The following UBXN11 variants were observed in gnomAD, a reference collection of about 807,000 sequenced individuals.
The protein encoded by UBXN11 is UBX domain-containing protein 11.
Under a neutral mutation model 62.8 loss-of-function variants are expected in UBXN11, and 47 were observed. The ratio of observed to expected loss-of-function variants is 0.75; its 90% CI spans 0.59 to 0.95. The LOEUF (loss-of-function observed/expected upper bound fraction) is 0.95, where lower values mean the gene tolerates loss of function less well. Ranked by LOEUF, UBXN11 falls within the 40% of genes least tolerant of loss-of-function variation. The pLI is 0.00. For synonymous variants in UBXN11, 294 were observed against 267.0 expected, an observed-to-expected ratio of 1.10 and a Z score of -0.99; for missense variants, 638 against 661.7, an observed-to-expected ratio of 0.96 and a Z score of 0.39.
At chr1:26,300,725 TG>T (rs2073511045) in intron 4 of UBXN11, among the ~76,000 whole-genome samples, 200 bp downstream of exon 4, 1 of 152,182 alleles carries the variant, frequency 6.6e-6, no homozygotes. Flanking sequence ...GGGCTGGGGC[TG>T]GGCCTCGGCC....
chr1:26,300,932 G>T lies in UBXN11; in HGVS notation c.193C>A (p.Arg65=). 1 of 1,614,174 alleles carries T rather than the reference G, an allele frequency of 6.2e-7. No homozygotes were observed. Among genetic ancestry groups the T allele is most frequent in the Non-Finnish European group, 8.5e-7 (1 of 1,180,016 alleles). ...TTCAGGCCTCTGCTCTCACCTTGCC[G>T]ACTCACAGGGGCACCTATGCCGCCA... The part of the protein sequence containing the change: ...CYGGIGAPVS[R]QVPASHDSEL... Residue 65 remains arginine, a synonymous_variant, in exon 4 of 15, where the codon CGG becomes AGG. Coordinates refer to ENST00000374222, the MANE Select transcript of UBXN11 (RefSeq NM_001389556.1).
chr1:26,284,760 G>C (rs528259370), intron 10 of UBXN11: 391 of 1,231,000 alleles, frequency 3.2e-4, no homozygotes, highest in Non-Finnish European at 3.9e-4. Context: ...CGTGAAGGCA[G>C]AGTGTGAGGG....
At chr1:26,296,837 T>G (rs1186606183) in intron 7 of UBXN11, 82 bp downstream of exon 7, 18 of 1,441,302 alleles carry the variant, frequency 1.2e-5, no homozygotes, top group Non-Finnish European at 1.7e-5. Flanking sequence ...AGAGGTGGGC[T>G]CGGACCCAGC....
In UBXN11 at chr1:26,282,290, G is replaced by T; in HGVS notation, c.*9C>A. On this transcript the variant is annotated 3_prime_UTR_variant, in exon 15 of 15. Coordinates refer to ENST00000374222, the MANE Select transcript of UBXN11 (RefSeq NM_001389556.1). ...CCTGGCGGAGCAGCGGGTTGAGGGG[G>T]CGGGTGCTTTATTGGGGGCTGGGAC... The T allele has an allele frequency of 6.8e-7, 1 of 1,480,312 alleles. No individual in the cohort carries two copies. The highest frequency in any genetic ancestry group is 2.6e-5 in the Admixed American group (1 of 37,928). 91.7% of individuals were successfully genotyped at this position (1,480,312 alleles called of 1,614,324 possible). A position where few individuals can be genotyped will look rare whatever the true frequency, so the allele number is the denominator to read the frequency against.
Position 26,303,630 on chromosome 1 carries a change from C to CAAAAA in UBXN11, c.-35-717_-35-713dup, listed in dbSNP as rs5773154. Among the ~76,000 whole-genome samples the CAAAAA allele has an allele frequency of 6.0e-4, 48 of 79,882 alleles. 3 individuals are homozygous for CAAAAA. The highest frequency in any genetic ancestry group is 1.1e-3 in the Admixed American group (7 of 6,594). 52.4% of individuals were successfully genotyped at this position (79,882 alleles called of 152,430 possible). A position where few individuals can be genotyped will look rare whatever the true frequency, so the allele number is the denominator to read the frequency against. Reference sequence around the variant, plus strand: ...GGGCAACAAGAGCGAAACTCCATCTCAAAAAAAAAAAAAAAAAAAAAGACA... The same window carrying CAAAAA: ...GGGCAACAAGAGCGAAACTCCATCTCAAAAAAAAAAAAAAAAAAAAAAAAAAGACA... On this transcript the variant is annotated intron_variant, in intron 1 of 14. Coordinates refer to ENST00000374222, the MANE Select transcript of UBXN11 (RefSeq NM_001389556.1).
At chr1:26,287,634 G>A (rs2073162686) in intron 8 of UBXN11, among the ~76,000 whole-genome samples, 1 of 152,018 alleles carries the variant, frequency 6.6e-6, no homozygotes, top group African/African-American at 2.4e-5. Flanking sequence ...TACCAGGGAG[G>A]TGCAGATGTG....
chr1:26,284,266 C>G, intron 11 of UBXN11, 21 bp from the exon 12 acceptor site: 3 of 1,606,872 alleles, frequency 1.9e-6, no homozygotes, highest in Non-Finnish European at 2.6e-6. Context: ...AGTTGGGAAC[C>G]GGGGCCCAGG....
chr1:26,289,000 T>C (rs2073194237), intron 8 of UBXN11, among the ~76,000 whole-genome samples: 1 of 152,170 alleles, frequency 6.6e-6, no homozygotes, highest in Non-Finnish European at 1.5e-5. Flanking sequence ...AGATCACCTC[T>C]GAGGCCTCAT....
rs1207573170 is a variant in UBXN11, at chr1:26,294,262, T to G, written c.502A>C (p.Thr168Pro). 1 of 1,614,222 alleles carries G rather than the reference T, an allele frequency of 6.2e-7. No individual in the cohort carries two copies. Among genetic ancestry groups the G allele is most frequent in the Non-Finnish European group, 8.5e-7 (1 of 1,180,010 alleles). The stretch of plus-strand genomic sequence containing the variant: ...TCCCTCTCGCCATGCTCTGAGACTG[T>G]CTTGCTCTCTGAGTCCTCCTGGTCC... Reference protein sequence around the residue: ...PMDQEDSESKTVSEHGERDWM... With the variant: ...PMDQEDSESKPVSEHGERDWM... The change falls in exon 8 of 15, where the codon ACA becomes CCA. Residue 168 changes from threonine to proline, a missense_variant. Thr to Pro is a conservative substitution (Grantham distance 38). Transcript: ENST00000374222.
chr1:26,297,509 A>C (rs766834335), intron 5 of UBXN11, 28 bp from the exon 6 acceptor site: 47 of 1,535,588 alleles, frequency 3.1e-5, no homozygotes, highest in Admixed American at 1.2e-4. Context: ...GGGTGAGCAC[A>C]GGGCCTGTGG....
At chr1:26,312,039 G>A (rs1043148467) in intron 1 of UBXN11, among the ~76,000 whole-genome samples, 20 of 152,066 alleles carry the variant, frequency 1.3e-4, no homozygotes, top group South Asian at 4.2e-4. Context: ...CCTTTCTCAC[G>A]TTCCAGAAAC....
chr1:26,285,540 C>G lies in UBXN11; in HGVS notation c.776G>C (p.Arg259Pro), dbSNP rs767572300. The G allele has an allele frequency of 2.5e-6, 4 of 1,576,784 alleles. No homozygotes were observed. Among genetic ancestry groups the G allele is most frequent in the Non-Finnish European group, 3.5e-6 (4 of 1,156,290 alleles). ...GCCATCCAATATGTCTCGGAGGCAG[C>G]GCTGCAAGGGAAGAGGAAAAGTGAG... ...FQPFYDPSTQ[R>P]CLRDILDGFF... Residue 259 changes from arginine (R) to proline (P), a missense_variant and splice_region_variant, in exon 10 of 15, where the codon CGC becomes CCC. Physicochemically the swap from Arg to Pro is moderately radical, Grantham distance 103 (BLOSUM62 -2). Coordinates refer to ENST00000374222, the MANE Select transcript of UBXN11 (RefSeq NM_001389556.1).
intron 8 of UBXN11, among the ~76,000 whole-genome samples, chr1:26,291,245 C>T (rs896258073): frequency 1.9e-4 from 29 of 152,258 alleles, no homozygotes; most frequent in Admixed American, 9.8e-4. Context: ...AGCCTGAGGC[C>T]CCTGGGCGGA....
intron 1 of UBXN11, among the ~76,000 whole-genome samples, chr1:26,312,028 G>A (rs144131376): frequency 2.0e-5 from 3 of 152,080 alleles, no homozygotes; most frequent in East Asian, 1.9e-4. Context: ...TTTGGGTTCC[G>A]CCTTTCTCAC....
chr1:26,314,023 A>T (rs1335496407), intron 1 of UBXN11, among the ~76,000 whole-genome samples: 1 of 150,714 alleles, frequency 6.6e-6, no homozygotes, highest in East Asian at 1.9e-4. Flanking sequence ...CTTGTGATCG[A>T]CTCGCCTCGG....
intron 9 of UBXN11, 136 bp downstream of exon 9, chr1:26,285,687 G>T (rs886320192): frequency 2.6e-5 from 36 of 1,367,992 alleles, no homozygotes; most frequent in African/African-American, 1.3e-4. Context: ...TGGGAGAGGG[G>T]CCTCTGCAAG....
intron 1 of UBXN11, among the ~76,000 whole-genome samples, chr1:26,316,874 T>C (rs1265731082): frequency 6.6e-6 from 1 of 150,460 alleles, no homozygotes; most frequent in Non-Finnish European, 1.5e-5. Context: ...TCCCCTCCCA[T>C]TCATCCTCAG....
At chr1:26,298,652 C>T (rs1031250406) in intron 4 of UBXN11, among the ~76,000 whole-genome samples, 5 of 151,876 alleles carry the variant, frequency 3.3e-5, no homozygotes, top group African/African-American at 9.7e-5. Flanking sequence ...ATCAGCCGGG[C>T]GTGGTGGCAG....
At chr1:26,313,782 CTT>C (rs56037016) in intron 1 of UBXN11, among the ~76,000 whole-genome samples, 87 of 125,864 alleles carry the variant, frequency 6.9e-4, no homozygotes, top group Non-Finnish European at 8.8e-4. Flanking sequence ...AATTTTTTTT[CTT>C]TTTTTTTTTT....
Sources: gnomAD v4.1 joint callset for allele counts (sites outside exome capture counted in the v4.1 genomes callset) on GRCh38, gnomAD v4.1.1 for gene constraint, MANE v1.5 for transcripts, NCBI Gene and HGNC (gene_info 2026-07-23, HGNC 2026-07-21) for gene names.